VWA8: variants seen among roughly 807,000 people sequenced by gnomAD.
VWA8 encodes von Willebrand factor A domain containing 8, also known as von Willebrand factor A domain-containing protein 8.
A neutral mutation model predicts 241.5 loss-of-function variants in VWA8; 221 were observed. That is an observed-to-expected ratio of 0.91 (90% CI 0.82 to 1.02). The LOEUF (loss-of-function observed/expected upper bound fraction) is 1.02, where lower values mean the gene tolerates loss of function less well. VWA8 is among the 50% of genes least tolerant of loss of function. The pLI is 0.00. For missense variants in VWA8, 2,322 were observed against 2,328.7 expected (o/e 1.00, Z 0.06); for synonymous variants, 852 against 827.1 (o/e 1.03, Z -0.52).
chr13:41,638,394 G>A (rs1485885352), intron 37 of VWA8, among the ~76,000 whole-genome samples: 5 of 152,106 alleles, frequency 3.3e-5, no homozygotes, highest in Admixed American at 6.6e-5. Flanking sequence ...CTGAAACCAC[G>A]GAAGTGAATG....
intron 37 of VWA8, among the ~76,000 whole-genome samples, chr13:41,616,290 G>C (rs1285283865): frequency 1.3e-5 from 2 of 152,106 alleles, no homozygotes; most frequent in Non-Finnish European, 2.9e-5. Flanking sequence ...GACATCGTAG[G>C]GATTTTAATT....
At chr13:41,932,707 A>C (rs1039986473) in intron 2 of VWA8, among the ~76,000 whole-genome samples, 6 of 151,914 alleles carry the variant, frequency 3.9e-5, no homozygotes, top group African/African-American at 1.4e-4. Flanking sequence ...AAAAAGAAAA[A>C]GAAAAAAAAA....
At chr13:41,926,456 G>A (rs1361424409) in intron 2 of VWA8, 1 of 523,790 alleles carries the variant, frequency 1.9e-6, no homozygotes, top group Non-Finnish European at 3.8e-6. Flanking sequence ...TTATGACAAT[G>A]CGCTGGACAT....
At chr13:41,738,231 G>A (rs754325729) in intron 21 of VWA8, among the ~76,000 whole-genome samples, 21 of 152,074 alleles carry the variant, frequency 1.4e-4, no homozygotes, top group Non-Finnish European at 3.1e-4. Flanking sequence ...TATTTTGTTG[G>A]ACTGTTTATT....
chr13:41,623,249 A>G (rs930895736), intron 37 of VWA8, among the ~76,000 whole-genome samples: 1 of 152,212 alleles, frequency 6.6e-6, no homozygotes. Flanking sequence ...ATAGAGCTGT[A>G]GCATCCACAT....
chr13:41,681,340 T>A (rs2045097056), intron 35 of VWA8, among the ~76,000 whole-genome samples: 1 of 152,198 alleles, frequency 6.6e-6, no homozygotes, highest in African/African-American at 2.4e-5. Flanking sequence ...CCTATCAAGA[T>A]GGCCCTGCAT....
At chr13:41,790,106 A>G (rs916659043) in intron 17 of VWA8, among the ~76,000 whole-genome samples, 3 of 152,160 alleles carry the variant, frequency 2.0e-5, no homozygotes, top group Non-Finnish European at 4.4e-5. Context: ...TGCTAGACTT[A>G]CATAGTTAAC....
chr13:41,704,130 T>TA (rs2045267965), intron 26 of VWA8, among the ~76,000 whole-genome samples: 1 of 152,250 alleles, frequency 6.6e-6, no homozygotes, highest in Admixed American at 6.5e-5. Context: ...GTATGTTGTA[T>TA]AGGGCAAGTT....
intron 26 of VWA8, among the ~76,000 whole-genome samples, chr13:41,707,227 G>A (rs879679445): frequency 3.3e-5 from 5 of 152,202 alleles, no homozygotes; most frequent in Non-Finnish European, 5.9e-5. Context: ...TGAATGACAT[G>A]CAACAGATTT....
intron 26 of VWA8, among the ~76,000 whole-genome samples, chr13:41,710,859 GT>G (rs1407072719): frequency 6.6e-6 from 1 of 152,196 alleles, no homozygotes; most frequent in Non-Finnish European, 1.5e-5. Flanking sequence ...GCAGGGGGAT[GT>G]TCTTTTTGAT....
At chr13:41,769,602 A>ATTG (rs998849973) in intron 20 of VWA8, among the ~76,000 whole-genome samples, 11 of 152,072 alleles carry the variant, frequency 7.2e-5, no homozygotes, top group East Asian at 1.9e-4. Flanking sequence ...TTATTATATT[A>ATTG]TTGTTGTTGT....
At chr13:41,755,113 G>A (rs972775961) in intron 21 of VWA8, among the ~76,000 whole-genome samples, 1 of 151,864 alleles carries the variant, frequency 6.6e-6, no homozygotes, top group African/African-American at 2.4e-5. Flanking sequence ...TTTCTTTCTT[G>A]TGGGTATATA....
rs775305708 is a variant in VWA8, at chr13:41,670,969, C to T, written c.4588G>A (p.Gly1530Arg). The T allele has an allele frequency of 5.0e-6, 8 of 1,613,684 alleles. No individual in the cohort carries two copies. The African/African-American group carries it at 8.0e-5, about 16-fold the overall frequency. Residue 1530 changes from glycine (G) to arginine (R), a missense_variant, in exon 37 of 45, where the codon GGA becomes AGA. Gly to Arg is a moderately radical substitution (Grantham distance 125). Coordinates refer to ENST00000379310, the MANE Select transcript of VWA8 (RefSeq NM_015058.2). Reference protein sequence around the residue: ...RSLMEWRNMIGQDDRNMQITI... With the variant: ...RSLMEWRNMIRQDDRNMQITI... ...ACCTGCATATTTCTGTCATCTTGTC[C>T]AATCATGTTTCTCCATTCCATGAGT...
intron 4 of VWA8, among the ~76,000 whole-genome samples, chr13:41,891,886 T>C (rs942458289): frequency 1.3e-5 from 2 of 152,194 alleles, no homozygotes; most frequent in African/African-American, 4.8e-5. Context: ...AACTAACAGC[T>C]ATCTATGAAC....
intron 20 of VWA8, among the ~76,000 whole-genome samples, chr13:41,774,403 A>G (rs548361909): frequency 6.6e-6 from 1 of 152,242 alleles, no homozygotes. Flanking sequence ...TTGGCCTCCC[A>G]AAGTGCTGGG....
chr13:41,921,478 G>C (rs1256001030), intron 2 of VWA8, among the ~76,000 whole-genome samples: 1 of 152,146 alleles, frequency 6.6e-6, no homozygotes, highest in Non-Finnish European at 1.5e-5. Context: ...TATTCGATTA[G>C]GAAAACAGGA....
intron 12 of VWA8, among the ~76,000 whole-genome samples, chr13:41,860,066 G>C (rs149558963): frequency 7.3e-4 from 111 of 152,186 alleles, no homozygotes; most frequent in African/African-American, 2.6e-3. Context: ...TTGATCTCAG[G>C]GGCTTGGTTT....
At position 41,887,220 on chromosome 13, in the gene VWA8, C is replaced by A. The variant is rs766548324; in HGVS notation, c.793G>T (p.Asp265Tyr). ...PPLRSRFQARDIYYLPFKDQL... is the reference protein window; with the variant it reads ...PPLRSRFQARYIYYLPFKDQL... ...ACCTTGAAGGGTAAATAATAAATAT[C>A]CCTGGCTTGAAATCGAGAACGAAGA... is the stretch of plus-strand genomic sequence containing the variant. Residue 265 changes from aspartate (D) to tyrosine (Y), a missense_variant, in exon 6 of 45, where the codon GAT (aspartate) becomes TAT (tyrosine). Physicochemically the swap from Asp to Tyr is radical, Grantham distance 160. Transcript: ENST00000379310. 4 of 1,612,872 alleles carry A rather than the reference C, an allele frequency of 2.5e-6. No individual in the cohort carries two copies. The highest frequency in any genetic ancestry group is 3.3e-5 in the Admixed American group (2 of 59,716).
At chr13:41,921,861 A>G (rs1876554505) in intron 2 of VWA8, among the ~76,000 whole-genome samples, 1 of 152,252 alleles carries the variant, frequency 6.6e-6, no homozygotes, top group African/African-American at 2.4e-5. Context: ...CACACTGCCC[A>G]AGGTAATTTA....
Sources: allele counts gnomAD v4.1 joint callset (sites outside exome capture counted in the v4.1 genomes callset), GRCh38; gene constraint gnomAD v4.1.1; transcripts MANE v1.5; gene names NCBI Gene and HGNC (gene_info 2026-07-23, HGNC 2026-07-21).